The following SREK1IP1 variants were observed in gnomAD, a reference collection of about 807,000 sequenced individuals.
SREK1IP1 encodes SREK1 interacting protein 1, also known as protein SREK1IP1.
A neutral mutation model predicts 22.8 loss-of-function variants in SREK1IP1; 12 were observed. The observed-to-expected ratio is 0.53, with a 90% CI of 0.34 to 0.85. SREK1IP1 has a LOEUF of 0.85. SREK1IP1 is among the 40% of genes least tolerant of loss of function. The pLI is 0.02. For synonymous variants in SREK1IP1, 53 were observed against 52.7 expected (o/e 1.01, Z -0.02); for missense variants, 147 against 171.8 (o/e 0.86, Z 0.81).
intron 3 of SREK1IP1, among the ~76,000 whole-genome samples, chr5:64,734,149 T>C (rs1742420495): frequency 6.6e-6 from 1 of 152,118 alleles, no homozygotes; most frequent in South Asian, 2.1e-4. Flanking sequence ...TGTGATTTCT[T>C]ACAGCTACAT....
At chr5:64,745,070 C>T (rs1210651808) in intron 2 of SREK1IP1, among the ~76,000 whole-genome samples, 1 of 152,212 alleles carries the variant, frequency 6.6e-6, no homozygotes, top group Non-Finnish European at 1.5e-5. Flanking sequence ...TAAACACCTA[C>T]CCAGTAGGCC....
intron 2 of SREK1IP1, among the ~76,000 whole-genome samples, chr5:64,753,174 T>G (rs1742778349): frequency 6.6e-6 from 1 of 152,174 alleles, no homozygotes; most frequent in South Asian, 2.1e-4. Context: ...GAAGTCCAAG[T>G]ATAGAGACTG....
chr5:64,766,013 T>C (rs1009676217), intron 1 of SREK1IP1, among the ~76,000 whole-genome samples: 2 of 152,204 alleles, frequency 1.3e-5, no homozygotes, highest in Non-Finnish European at 2.9e-5. Context: ...ATCTACTGTG[T>C]AGGTTTATCT....
chr5:64,721,299 C>T lies in SREK1IP1; in HGVS notation c.*3085G>A, dbSNP rs1014914777. 2.0e-5 allele frequency: 3 copies of T among 152,128 alleles called. No homozygotes were observed. Among genetic ancestry groups the T allele is most frequent in the Admixed American group, 6.5e-5 (1 of 15,268 alleles). The allele number at this position is 152,128 out of a possible 1,614,324, so 9.4% of individuals were successfully genotyped here. A position where few individuals can be genotyped will look rare whatever the true frequency, so the allele number is the denominator to read the frequency against. On this transcript the variant is annotated 3_prime_UTR_variant, in exon 5 of 5. Coordinates refer to ENST00000513458, the MANE Select transcript of SREK1IP1 (RefSeq NM_173829.4). ...TCTGTATCCCCAGTACTTAGCACAG[C>T]GTTTGCCACGTTAGGTACTCAATAA...
chr5:64,730,722 A>G (rs532619294), intron 3 of SREK1IP1, among the ~76,000 whole-genome samples: 1 of 152,262 alleles, frequency 6.6e-6, no homozygotes, highest in African/African-American at 2.4e-5. Flanking sequence ...GAAAGGTATA[A>G]AATAAGTATG....
At chr5:64,729,827 T>C (rs73097631) in intron 3 of SREK1IP1, among the ~76,000 whole-genome samples, 1,745 of 152,102 alleles carry the variant, frequency 0.011, 33 homozygotes, top group African/African-American at 0.04. Flanking sequence ...TGAAGGACAA[T>C]TGTGGGTGGG....
At chr5:64,753,168 TC>T (rs1742778248) in intron 2 of SREK1IP1, among the ~76,000 whole-genome samples, 1 of 152,136 alleles carries the variant, frequency 6.6e-6, no homozygotes, top group South Asian at 2.1e-4. Flanking sequence ...TTAAAAGAAG[TC>T]CAAGTATAGA....
At chr5:64,764,261 T>C (rs1014444814) in intron 1 of SREK1IP1, among the ~76,000 whole-genome samples, 11 of 152,322 alleles carry the variant, frequency 7.2e-5, no homozygotes, top group African/African-American at 2.6e-4. Context: ...AGTTTATCTA[T>C]GGTAATGCAA....
intron 3 of SREK1IP1, among the ~76,000 whole-genome samples, chr5:64,731,976 TG>T (rs1459660452): frequency 1.3e-5 from 2 of 152,176 alleles, no homozygotes; most frequent in East Asian, 3.9e-4. Flanking sequence ...GAAAACAGGA[TG>T]GGGGAAATAA....
intron 1 of SREK1IP1, among the ~76,000 whole-genome samples, chr5:64,760,681 G>A (rs1049711371): frequency 1.4e-4 from 22 of 152,198 alleles, no homozygotes; most frequent in African/African-American, 5.3e-4. Flanking sequence ...TAGTTTGTAA[G>A]TGAGTGTGCC....
rs942337759 is a variant in SREK1IP1, at chr5:64,718,775, G to A, written c.*5609C>T. 6.6e-6 allele frequency: 1 copy of A among 151,764 alleles called. No homozygotes were observed. Among genetic ancestry groups the A allele is most frequent in the Non-Finnish European group, 1.5e-5 (1 of 67,936 alleles). The allele number at this position is 151,764 out of a possible 1,614,324, so 9.4% of individuals were successfully genotyped here. On this transcript the variant is annotated 3_prime_UTR_variant, in exon 5 of 5. Coordinates refer to ENST00000513458, the MANE Select transcript of SREK1IP1 (RefSeq NM_173829.4). ...TGTTTTCTATTATAACACAGACCTGGTTTTGTAACAGAATTCAACAGAAAA... is the reference window on the plus strand; with the variant it reads ...TGTTTTCTATTATAACACAGACCTGATTTTGTAACAGAATTCAACAGAAAA...
At chr5:64,762,499 G>A (rs1262548694) in intron 1 of SREK1IP1, among the ~76,000 whole-genome samples, 4 of 151,980 alleles carry the variant, frequency 2.6e-5, no homozygotes, top group Non-Finnish European at 4.4e-5. Context: ...TAATATATAT[G>A]TTCTGCTTAA....
chr5:64,743,365 C>A (rs927732819), intron 2 of SREK1IP1, among the ~76,000 whole-genome samples: 1 of 152,290 alleles, frequency 6.6e-6, no homozygotes, highest in Admixed American at 6.5e-5. Context: ...GTAGACTATA[C>A]ATCCAAGTTT....
At chr5:64,751,637 C>T (rs772662613) in intron 2 of SREK1IP1, among the ~76,000 whole-genome samples, 40 of 152,182 alleles carry the variant, frequency 2.6e-4, no homozygotes, top group Non-Finnish European at 4.0e-4. Flanking sequence ...ACATAGTAAG[C>T]GTCATAGTGC....
In SREK1IP1 at chr5:64,720,123, C is replaced by G. The variant is rs1742132769; in HGVS notation, c.*4261G>C. ...ATTAAATTACAGCACATTTTGTACACTGAAAAATATTCTAAATGGTTTATT... is the reference window on the plus strand; with the variant it reads ...ATTAAATTACAGCACATTTTGTACAGTGAAAAATATTCTAAATGGTTTATT... On this transcript the variant is annotated 3_prime_UTR_variant, in exon 5 of 5. Transcript: ENST00000513458. 6.6e-6 allele frequency: 1 copy of G among 152,134 alleles called. No individual in the cohort carries two copies. The highest frequency in any genetic ancestry group is 1.5e-5 in the Non-Finnish European group (1 of 68,024). 9.4% of individuals were successfully genotyped at this position (152,134 alleles called of 1,614,324 possible).
At chr5:64,758,825 T>TA (rs1191428855) in intron 1 of SREK1IP1, among the ~76,000 whole-genome samples, 3 of 152,360 alleles carry the variant, frequency 2.0e-5, no homozygotes, top group Non-Finnish European at 2.9e-5. Context: ...TCATCTTTAC[T>TA]AAAGTTGAAA....
At chr5:64,757,867 T>A (rs969839792) in intron 1 of SREK1IP1, among the ~76,000 whole-genome samples, 1 of 108,530 alleles carries the variant, frequency 9.2e-6, no homozygotes, top group South Asian at 3.1e-4. Flanking sequence ...CTATCTTTTT[T>A]TTTTTTTTTT....
At chr5:64,739,787 C>A (rs1320889434) in intron 3 of SREK1IP1, among the ~76,000 whole-genome samples, 1 of 151,996 alleles carries the variant, frequency 6.6e-6, no homozygotes, top group Non-Finnish European at 1.5e-5. Flanking sequence ...TATGATATGA[C>A]TCTTGTTTGC....
rs1742422912 is a variant in SREK1IP1, at chr5:64,734,306, G to A, written c.206-6127C>T. Among the ~76,000 whole-genome samples, 3 of 152,100 alleles carry A rather than the reference G, an allele frequency of 2.0e-5. No individual in the cohort carries two copies. The South Asian group carries it at 6.2e-4, about 31-fold the overall frequency. ...GTGGCTTTACAATAAATCTTGAAATGAGGTTGTGTTAGTTTTTTAATTTTA... is the reference window on the plus strand; with the variant it reads ...GTGGCTTTACAATAAATCTTGAAATAAGGTTGTGTTAGTTTTTTAATTTTA... On this transcript the variant is annotated intron_variant, in intron 3 of 4. Transcript: ENST00000513458.
Sources: gnomAD v4.1 joint callset for allele counts (sites outside exome capture counted in the v4.1 genomes callset) on GRCh38, gnomAD v4.1.1 for gene constraint, MANE v1.5 for transcripts, NCBI Gene and HGNC (gene_info 2026-07-23, HGNC 2026-07-21) for gene names.